NAV1: variants seen among roughly 807,000 people sequenced by gnomAD.
NAV1 encodes pore membrane and/or filament interacting like protein 3.
A neutral mutation model predicts 175.2 loss-of-function variants in NAV1; 18 were observed. The observed-to-expected ratio is 0.10, with a 90% confidence interval of 0.07 to 0.15. The LOEUF is 0.15. Among genes scored for constraint, NAV1 ranks in the 10% least tolerant of loss-of-function variants. The probability of loss-of-function intolerance (pLI) is 1.00; values close to 1 mark genes in which losing one functional copy is unlikely to be tolerated. For missense variants in NAV1, 1,731 were observed against 2,436.6 expected (o/e 0.71, Z 6.10); for synonymous variants, 897 against 978.7 (o/e 0.92, Z 1.56).
chr1:201,678,047 G>T (rs1208242244), intron 1 of NAV1, among the ~76,000 whole-genome samples: 17 of 152,210 alleles, frequency 1.1e-4, no homozygotes, highest in Non-Finnish European at 5.9e-5. Flanking sequence ...TGCTCAGAAT[G>T]GGAGCTGGGG....
upstream of NAV1, among the ~76,000 whole-genome samples, chr1:201,643,979 C>T (rs1668893079): frequency 6.6e-6 from 1 of 152,226 alleles, no homozygotes; most frequent in African/African-American, 2.4e-5. Flanking sequence ...TCAAATCACT[C>T]ATCCTATCGC....
At chr1:201,814,574 T>C (rs900634751) in intron 28 of NAV1, among the ~76,000 whole-genome samples, 1 of 152,134 alleles carries the variant, frequency 6.6e-6, no homozygotes, top group Non-Finnish European at 1.5e-5. Context: ...GTTATTGAGA[T>C]AGATATCTCC....
chr1:201,736,975 C>A (rs1265217224), intron 3 of NAV1, among the ~76,000 whole-genome samples: 3 of 151,894 alleles, frequency 2.0e-5, no homozygotes, highest in Non-Finnish European at 4.4e-5. Flanking sequence ...CCTTCATTGC[C>A]CATCCCCCAC....
At chr1:201,688,919 C>A (rs991383719) in intron 1 of NAV1, among the ~76,000 whole-genome samples, 1 of 152,172 alleles carries the variant, frequency 6.6e-6, no homozygotes, top group South Asian at 2.1e-4. Context: ...GGTTACTAGA[C>A]GTGTTGCCTG....
intron 1 of NAV1, among the ~76,000 whole-genome samples, chr1:201,550,085 A>G (rs1205297358): frequency 6.6e-6 from 1 of 151,362 alleles, no homozygotes; most frequent in Non-Finnish European, 1.5e-5. Flanking sequence ...TCCAGGACGC[A>G]GCATGCCCAT....
chr1:201,781,100 A>T, exon 5 of NAV1: 1 of 1,614,204 alleles, frequency 6.2e-7, no homozygotes, highest in South Asian at 1.1e-5. Flanking sequence ...AAAAAACTGG[A>T]GTACGACAGT....
rs151010372 is a variant in NAV1 at position 201,661,565 on chromosome 1, A to G, written c.757+12140A>G. On this transcript the variant is annotated intron_variant, in intron 1 of 29. Coordinates refer to ENST00000367296, the Ensembl canonical transcript of NAV1. ...TTTGACTGGGAATGCTGGCTCTGTCACTCACTAACTGTTGATCTTGAATAA... is the reference window on the plus strand; with the variant it reads ...TTTGACTGGGAATGCTGGCTCTGTCGCTCACTAACTGTTGATCTTGAATAA... Among the ~76,000 whole-genome samples the G allele has an allele frequency of 3.5e-3, 532 of 152,242 alleles. 1 individual carries two copies. Among genetic ancestry groups the G allele is most frequent in the Middle Eastern group, 0.02 (6 of 294 alleles).
chr1:201,572,562 G>T (rs1278430429), intron 1 of NAV1, among the ~76,000 whole-genome samples: 1 of 151,736 alleles, frequency 6.6e-6, no homozygotes, highest in Non-Finnish European at 1.5e-5. Flanking sequence ...AGAGACGGGG[G>T]TTTCACCATA....
intron 1 of NAV1, among the ~76,000 whole-genome samples, chr1:201,570,693 C>A (rs1361792522): frequency 2.6e-5 from 4 of 152,206 alleles, no homozygotes; most frequent in African/African-American, 9.6e-5. Context: ...ATGGGGGAAG[C>A]CCAGCAGGCA....
At chr1:201,720,717 GGTTAATATAT>G (rs1553258947) in intron 3 of NAV1, among the ~76,000 whole-genome samples, 1 of 152,154 alleles carries the variant, frequency 6.6e-6, no homozygotes, top group Non-Finnish European at 1.5e-5. Flanking sequence ...GGATTCAATG[GGTTAATATAT>G]GTAAAGTACT....
At chr1:201,821,104 AG>A (rs2102846590) in exon 30 of NAV1, 1 of 152,598 alleles carries the variant, frequency 6.6e-6, no homozygotes, top group South Asian at 2.1e-4. Flanking sequence ...CTCTGTCATG[AG>A]AAGGTATAGC....
chr1:201,698,168 G>A (rs547036505), intron 1 of NAV1, among the ~76,000 whole-genome samples: 1 of 152,298 alleles, frequency 6.6e-6, no homozygotes, highest in Admixed American at 6.5e-5. Context: ...TTGCCCTGTT[G>A]CCTGTGGTCA....
At chr1:201,766,568 G>A (rs1675222092) in intron 3 of NAV1, among the ~76,000 whole-genome samples, 1 of 151,992 alleles carries the variant, frequency 6.6e-6, no homozygotes, top group East Asian at 1.9e-4. Flanking sequence ...TTAACCTCTT[G>A]AATGGTCTCC....
intron 15 of NAV1, among the ~76,000 whole-genome samples, chr1:201,801,553 T>C (rs1352855252): frequency 1.3e-5 from 2 of 152,136 alleles, no homozygotes; most frequent in Non-Finnish European, 2.9e-5. Context: ...ACTCCTGGGC[T>C]TAAGTGATCG....
chr1:201,762,023 G>A (rs1215190706), intron 3 of NAV1, among the ~76,000 whole-genome samples: 1 of 152,146 alleles, frequency 6.6e-6, no homozygotes, highest in Non-Finnish European at 1.5e-5. Context: ...ATCTGGGCAT[G>A]GTGGCACCCG....
At position 201,782,791 on chromosome 1, in the gene NAV1, C is replaced by T. The variant is rs1210329245; in HGVS notation, c.2279C>T (p.Ser760Phe). ...AACATCTCCTTGAAGAGTATTGGCT[C>T]CCCAGAAAGTACTCCCAAGAACCAA... Residue 760 changes from serine (S) to phenylalanine (F), a missense_variant, in exon 6 of 30, where the codon TCC becomes TTC. By Grantham distance (155) the Ser-to-Phe change is radical. Coordinates refer to ENST00000367296, the Ensembl canonical transcript of NAV1. The surrounding 1 kb of genome is among the most constrained non-coding windows in gnomAD (Gnocchi z 5.4). The T allele has an allele frequency of 6.2e-7, 1 of 1,613,628 alleles. No individual in the cohort carries two copies.
At chr1:201,649,319 C>T in exon 1 of NAV1, 3 of 1,612,558 alleles carry the variant, frequency 1.9e-6, no homozygotes, top group Admixed American at 1.7e-5. Context: ...CTGGGCCTGT[C>T]CCCTCTGCCA....
intron 1 of NAV1, among the ~76,000 whole-genome samples, chr1:201,550,828 C>T (rs747881445): frequency 8.5e-5 from 13 of 152,188 alleles, no homozygotes; most frequent in East Asian, 1.9e-4. Context: ...AAGGGCCTCT[C>T]GGCAAATGTT....
intron 1 of NAV1, among the ~76,000 whole-genome samples, chr1:201,560,983 C>T (rs991797189): frequency 7.9e-5 from 12 of 152,332 alleles, no homozygotes; most frequent in Admixed American, 4.6e-4. Context: ...GTGCAGCAGT[C>T]GCTACTCTTT....
Sources: gnomAD v4.1 joint callset for allele counts (sites outside exome capture counted in the v4.1 genomes callset) on GRCh38, gnomAD v4.1.1 for gene constraint, Gnocchi (gnomAD v3.1) non-coding constraint, MANE v1.5 for transcripts, NCBI Gene and HGNC (gene_info 2026-07-23, HGNC 2026-07-21) for gene names.